The following PACRG variants were observed in gnomAD, a reference collection of about 807,000 sequenced individuals.
PACRG encodes the protein parkin coregulated.
A neutral mutation model predicts 29.7 loss-of-function variants in PACRG; 29 were observed. That is an observed-to-expected ratio of 0.98 (90% CI 0.73 to 1.33). PACRG has a LOEUF of 1.33. Among genes scored for constraint, PACRG ranks in the 40% most tolerant of loss-of-function variants. PACRG has a pLI of 0.00. For missense variants in PACRG, 279 were observed against 316.2 expected, an observed-to-expected ratio of 0.88 and a Z score of 0.89; for synonymous variants, 116 against 118.7, an observed-to-expected ratio of 0.98 and a Z score of 0.15.
At chr6:163,081,810 C>A (rs944448292) in intron 3 of PACRG, among the ~76,000 whole-genome samples, 4 of 151,750 alleles carry the variant, frequency 2.6e-5, no homozygotes, top group African/African-American at 9.7e-5. Flanking sequence ...TATATTTTAC[C>A]CACTAAACAA....
chr6:163,125,652 G>T (rs895462457), intron 4 of PACRG, among the ~76,000 whole-genome samples: 1 of 152,150 alleles, frequency 6.6e-6, no homozygotes, highest in Non-Finnish European at 1.5e-5. Flanking sequence ...AATTCAAACC[G>T]CTATGAAATA....
In PACRG at chr6:163,210,511, G is replaced by A. The variant is rs961535321; in HGVS notation, c.614-104316G>A. Among the ~76,000 whole-genome samples, 15 of 152,178 alleles carry A rather than the reference G, an allele frequency of 9.9e-5. 1 individual carries two copies. Among genetic ancestry groups the A allele is most frequent in the South Asian group, 4.1e-4 (2 of 4,822 alleles). On this transcript the variant is annotated intron_variant, in intron 4 of 4. Coordinates refer to ENST00000366888, the MANE Select transcript of PACRG (RefSeq NM_001080379.2). ...GCCTTAGAAGGTGGAGCTTCCAAGCGGATGCACCCATTTCTATGGGCTGAG... is the reference window on the plus strand; with the variant it reads ...GCCTTAGAAGGTGGAGCTTCCAAGCAGATGCACCCATTTCTATGGGCTGAG...
chr6:162,935,995 G>A (rs182997971), intron 2 of PACRG, among the ~76,000 whole-genome samples: 4 of 152,258 alleles, frequency 2.6e-5, no homozygotes, highest in Admixed American at 1.3e-4. Flanking sequence ...CCAAGACTGG[G>A]CAATTTACAA....
intron 2 of PACRG, among the ~76,000 whole-genome samples, chr6:162,937,585 A>G (rs1255254756): frequency 2.6e-5 from 4 of 152,192 alleles, no homozygotes; most frequent in East Asian, 1.9e-4. Flanking sequence ...GAGATCTCTC[A>G]TTCTGTCAGT....
intron 4 of PACRG, among the ~76,000 whole-genome samples, chr6:163,269,889 G>GAA (rs67314549): frequency 4.1e-5 from 1 of 24,396 alleles, no homozygotes; most frequent in African/African-American, 1.7e-4. Flanking sequence ...AAGAAAGAAA[G>GAA]AAAACAAAGA....
At chr6:162,804,001 A>T (rs1786101924) in intron 1 of PACRG, among the ~76,000 whole-genome samples, 1 of 152,174 alleles carries the variant, frequency 6.6e-6, no homozygotes, top group Admixed American at 6.5e-5. Flanking sequence ...GTGGAATATT[A>T]CTTAGCTATT....
chr6:163,208,419 T>TA (rs945505339), intron 4 of PACRG, among the ~76,000 whole-genome samples: 16 of 149,810 alleles, frequency 1.1e-4, no homozygotes, highest in East Asian at 5.9e-4. Context: ...TTACTTTTTT[T>TA]AAAAAAAAAA....
chr6:162,902,938 G>A (rs368427753), intron 2 of PACRG, among the ~76,000 whole-genome samples: 17 of 152,218 alleles, frequency 1.1e-4, no homozygotes, highest in African/African-American at 4.1e-4. Context: ...TTTATCATCT[G>A]ATCATTTTTA....
chr6:163,099,065 C>G (rs756663155), intron 4 of PACRG, among the ~76,000 whole-genome samples: 1 of 152,236 alleles, frequency 6.6e-6, no homozygotes, highest in Non-Finnish European at 1.5e-5. Context: ...AATCCCTTCA[C>G]TGTCTGGGGA....
intron 4 of PACRG, among the ~76,000 whole-genome samples, chr6:163,093,433 T>C (rs1197503233): frequency 2.6e-5 from 4 of 152,204 alleles, no homozygotes; most frequent in Non-Finnish European, 5.9e-5. Context: ...TATTAAAGGT[T>C]ACAGAAAATT....
intron 2 of PACRG, among the ~76,000 whole-genome samples, chr6:162,933,692 A>C (rs536355016): frequency 5.4e-5 from 8 of 147,752 alleles, no homozygotes; most frequent in African/African-American, 7.6e-5. Context: ...ATTTGTGTGG[A>C]ATATTTTCTT....
chr6:163,296,355 G>A (rs1183164959), intron 4 of PACRG, among the ~76,000 whole-genome samples: 1 of 152,128 alleles, frequency 6.6e-6, no homozygotes, highest in Non-Finnish European at 1.5e-5. Context: ...GAGTGCAGTA[G>A]CACAATCTCG....
chr6:162,885,788 GTA>G (rs1464692698), intron 2 of PACRG, among the ~76,000 whole-genome samples: 1 of 151,440 alleles, frequency 6.6e-6, no homozygotes, highest in African/African-American at 2.4e-5. Context: ...GTGTGTGTGT[GTA>G]TATATATAAA....
At chr6:162,900,770 C>T (rs1795504543) in intron 2 of PACRG, among the ~76,000 whole-genome samples, 2 of 152,190 alleles carry the variant, frequency 1.3e-5, no homozygotes, top group South Asian at 4.1e-4. Flanking sequence ...AGCGCCTTTC[C>T]TGTGGCTGGC....
intron 2 of PACRG, among the ~76,000 whole-genome samples, chr6:163,041,931 T>A (rs181369130): frequency 3.8e-4 from 58 of 152,328 alleles, no homozygotes; most frequent in Non-Finnish European, 6.8e-4. Flanking sequence ...AATGGCATGA[T>A]CTCAGCTCAC....
At chr6:162,975,340 A>G (rs745889451) in intron 2 of PACRG, among the ~76,000 whole-genome samples, 60 of 152,352 alleles carry the variant, frequency 3.9e-4, no homozygotes, top group Non-Finnish European at 2.8e-4. Flanking sequence ...AATGATTAGT[A>G]TGTATTACAA....
chr6:162,765,733 T>C (rs1782735032), intron 1 of PACRG, among the ~76,000 whole-genome samples: 1 of 152,222 alleles, frequency 6.6e-6, no homozygotes, highest in South Asian at 2.1e-4. Context: ...GATAAACATG[T>C]ATAACTATTT....
intron 1 of PACRG, among the ~76,000 whole-genome samples, chr6:162,753,504 A>G (rs982823049): frequency 6.6e-6 from 1 of 152,146 alleles, no homozygotes; most frequent in Non-Finnish European, 1.5e-5. Flanking sequence ...TTGTCCATTG[A>G]TGAACACTTA....
chr6:162,948,484 G>A (rs1215138302), intron 2 of PACRG, among the ~76,000 whole-genome samples: 3 of 151,966 alleles, frequency 2.0e-5, no homozygotes, highest in Non-Finnish European at 4.4e-5. Flanking sequence ...TCTAGGAAAC[G>A]ATTTTATGGC....
Sources: gnomAD v4.1 joint callset for allele counts (sites outside exome capture counted in the v4.1 genomes callset) on GRCh38, gnomAD v4.1.1 for gene constraint, MANE v1.5 for transcripts, NCBI Gene and HGNC (gene_info 2026-07-23, HGNC 2026-07-21) for gene names.